Variants in CAMTA1 observed in about 807,000 individuals in gnomAD.
The protein encoded by CAMTA1 is calmodulin-binding transcription activator 1.
A neutral mutation model predicts 170.9 loss-of-function variants in CAMTA1; 27 were observed. The ratio of observed to expected loss-of-function variants is 0.16; its 90% CI spans 0.12 to 0.22. CAMTA1 has a LOEUF of 0.22. Among genes scored for constraint, CAMTA1 ranks in the 10% least tolerant of loss-of-function variants. The pLI is 1.00. For synonymous variants in CAMTA1, 833 were observed against 891.5 expected, an observed-to-expected ratio of 0.93 and a Z score of 1.17; for missense variants, 1,619 against 2,217.2, an observed-to-expected ratio of 0.73 and a Z score of 5.42.
intron 5 of CAMTA1, among the ~76,000 whole-genome samples, chr1:7,302,908 C>A (rs1674998274): frequency 6.6e-6 from 1 of 152,174 alleles, no homozygotes; most frequent in African/African-American, 2.4e-5. Flanking sequence ...GGGAGATGAA[C>A]AAATTACCAG....
chr1:7,765,913 GC>G (rs2097018887), intron 22 of CAMTA1, among the ~76,000 whole-genome samples: 1 of 151,760 alleles, frequency 6.6e-6, no homozygotes, highest in African/African-American at 2.4e-5. Context: ...TGTAGTCCCA[GC>G]TACTCGGGAG....
intron 16 of CAMTA1, among the ~76,000 whole-genome samples, chr1:7,743,970 G>A (rs1267514547): frequency 6.7e-6 from 1 of 149,814 alleles, no homozygotes; most frequent in Admixed American, 6.7e-5. Context: ...GGCACTACAG[G>A]CGCCCGCCAC....
At chr1:7,601,711 G>A (rs1430551826) in intron 6 of CAMTA1, among the ~76,000 whole-genome samples, 1 of 152,384 alleles carries the variant, frequency 6.6e-6, no homozygotes, top group African/African-American at 2.4e-5. Flanking sequence ...GGCCGAGGCT[G>A]GCGGATCCCT....
chr1:7,658,709 T>C (rs2095927537), intron 7 of CAMTA1, among the ~76,000 whole-genome samples: 1 of 152,212 alleles, frequency 6.6e-6, no homozygotes, highest in Non-Finnish European at 1.5e-5. Context: ...CTCCACCAGG[T>C]CCTTTCTGCA....
At chr1:6,929,346 AT>A (rs5772260) in intron 3 of CAMTA1, among the ~76,000 whole-genome samples, 23,582 of 145,828 alleles carry the variant, frequency 0.16, 2,025 homozygotes, top group Non-Finnish European at 0.21. Context: ...TGCCCAGCTA[AT>A]TTTTTTTTTT....
At chr1:6,820,465 C>G (rs1646360167) in intron 2 of CAMTA1, among the ~76,000 whole-genome samples, 1 of 152,108 alleles carries the variant, frequency 6.6e-6, no homozygotes, top group Non-Finnish European at 1.5e-5. Flanking sequence ...TGAAAAAAGG[C>G]AAAAGATTTA....
At chr1:7,268,277 G>C (rs1414651007) in intron 5 of CAMTA1, among the ~76,000 whole-genome samples, 1 of 151,980 alleles carries the variant, frequency 6.6e-6, no homozygotes, top group Admixed American at 6.6e-5. Context: ...GGGGGGGTCA[G>C]CAGAGAAAGA....
chr1:7,323,507 CTTTTTT>C (rs56382342), intron 5 of CAMTA1, among the ~76,000 whole-genome samples: 6 of 108,984 alleles, frequency 5.5e-5, no homozygotes, highest in South Asian at 3.2e-4. Context: ...CTTTATTCTT[CTTTTTT>C]TTTTTTTTTT....
In CAMTA1 at chr1:6,877,925, C is replaced by T. The variant is rs528145795; in HGVS notation, c.234+52715C>T. ...CTCTAGTTCACCTTGGAGCATCTGA[C>T]CATACATAGGTCCTTGCACATAGTA... On this transcript the variant is annotated intron_variant, in intron 3 of 22. Coordinates refer to ENST00000303635, the MANE Select transcript of CAMTA1 (RefSeq NM_015215.4). Among the ~76,000 whole-genome samples the T allele has an allele frequency of 5.9e-5, 9 of 152,312 alleles. No homozygotes were observed. In the East Asian group the frequency reaches 9.6e-4, roughly 16 times the overall value.
chr1:6,834,652 T>C (rs531561537), intron 3 of CAMTA1: 1 of 157,368 alleles, frequency 6.4e-6, no homozygotes, highest in South Asian at 1.8e-4. Flanking sequence ...TAATTTTTTT[T>C]TTTGAGACAG....
At chr1:7,382,777 ATGCCTCTT>A (rs750866382) in intron 5 of CAMTA1, 12 of 152,262 alleles carry the variant, frequency 7.9e-5, no homozygotes, top group Non-Finnish European at 1.2e-4. Flanking sequence ...CATTAAGCAC[ATGCCTCTT>A]TGTTGCAGTG....
At chr1:7,571,651 T>C (rs2095127598) in intron 6 of CAMTA1, among the ~76,000 whole-genome samples, 1 of 151,970 alleles carries the variant, frequency 6.6e-6, no homozygotes, top group Admixed American at 6.5e-5. Context: ...TCCATGTTGC[T>C]GCAAAGGACA....
chr1:7,402,283 C>T (rs559221140), intron 5 of CAMTA1, among the ~76,000 whole-genome samples: 1 of 152,310 alleles, frequency 6.6e-6, no homozygotes, highest in Non-Finnish European at 1.5e-5. Flanking sequence ...TCAGAAGACC[C>T]CTGGTCCTCC....
At chr1:7,719,167 G>A (rs1276299220) in intron 11 of CAMTA1, among the ~76,000 whole-genome samples, 1 of 152,078 alleles carries the variant, frequency 6.6e-6, no homozygotes, top group Non-Finnish European at 1.5e-5. Flanking sequence ...GTCTTTAGTT[G>A]GATTTGTTAC....
intron 3 of CAMTA1, chr1:6,886,282 A>G (rs1021853216): frequency 6.6e-6 from 3 of 456,030 alleles, no homozygotes; most frequent in Admixed American, 2.3e-5. Flanking sequence ...GCAAAGAGCA[A>G]TGGAAAACAA....
intron 5 of CAMTA1, among the ~76,000 whole-genome samples, chr1:7,276,278 C>CATATATAT (rs1210333666): frequency 2.0e-4 from 12 of 58,544 alleles, no homozygotes; most frequent in East Asian, 5.0e-4. Flanking sequence ...TACACCTGAT[C>CATATATAT]ATATATATAT....
At chr1:7,078,827 T>C (rs1171646810) in intron 3 of CAMTA1, among the ~76,000 whole-genome samples, 1 of 152,118 alleles carries the variant, frequency 6.6e-6, no homozygotes, top group Admixed American at 6.5e-5. Context: ...TTCAGGGAGG[T>C]ATTCCAAGAA....
At chr1:6,790,991 G>T (rs1640935536) in intron 1 of CAMTA1, among the ~76,000 whole-genome samples, 1 of 152,120 alleles carries the variant, frequency 6.6e-6, no homozygotes. Context: ...TGGTTTGGCA[G>T]TATGAGTATG....
intron 7 of CAMTA1, 70 bp downstream of exon 7, chr1:7,640,623 G>A: frequency 6.3e-7 from 1 of 1,585,364 alleles, no homozygotes; most frequent in Non-Finnish European, 8.7e-7. Context: ...GCGGGGCCAG[G>A]AAGGTCCTCT....
Sources: gnomAD v4.1 joint callset for allele counts (sites outside exome capture counted in the v4.1 genomes callset) on GRCh38, gnomAD v4.1.1 for gene constraint, MANE v1.5 for transcripts, NCBI Gene and HGNC (gene_info 2026-07-23, HGNC 2026-07-21) for gene names.